PLCB2: variants seen among roughly 807,000 people sequenced by gnomAD.
The protein encoded by PLCB2 is phospholipase C beta 2, also known as 1-phosphatidylinositol 4,5-bisphosphate phosphodiesterase beta-2.
A neutral mutation model predicts 141.7 loss-of-function variants in PLCB2; 115 were observed. The ratio of observed to expected loss-of-function variants is 0.81; its 90% CI spans 0.70 to 0.95. The LOEUF (loss-of-function observed/expected upper bound fraction) is 0.95. PLCB2 is among the 40% of genes least tolerant of loss of function. PLCB2 has a pLI of 0.00. For missense variants in PLCB2, 1,403 were observed against 1,541.1 expected (o/e 0.91, Z 1.50); for synonymous variants, 603 against 595.6 (o/e 1.01, Z -0.18).
chr15:40,298,500 T>C, intron 10 of PLCB2, 62 bp downstream of exon 10: 1 of 1,608,202 alleles, frequency 6.2e-7, no homozygotes. Flanking sequence ...GGGCAACCCC[T>C]GTGGAGGATG....
chr15:40,304,619 C>A (rs184471094), intron 1 of PLCB2, among the ~76,000 whole-genome samples: 2 of 152,126 alleles, frequency 1.3e-5, no homozygotes, highest in Non-Finnish European at 2.9e-5. Context: ...TCTGAAAACC[C>A]TTCCTGAAAT....
intron 2 of PLCB2, among the ~76,000 whole-genome samples, 158 bp from the exon 3 acceptor site, chr15:40,303,514 C>T (rs1175172622): frequency 6.6e-6 from 1 of 152,112 alleles, no homozygotes; most frequent in Non-Finnish European, 1.5e-5. Context: ...CCAGCTGGAC[C>T]CAAACTTCCC....
At chr15:40,300,368 G>A (rs148767912) in intron 7 of PLCB2, among the ~76,000 whole-genome samples, 75 of 152,264 alleles carry the variant, frequency 4.9e-4, no homozygotes, top group Non-Finnish European at 9.0e-4. Context: ...AAACAGTTTG[G>A]CGGTTTCTCA....
rs1440592046 is a variant in PLCB2 at position 40,299,183 on chromosome 15, T to A, written c.628A>T (p.Ser210Cys). The A allele has an allele frequency of 6.2e-7, 1 of 1,613,992 alleles. No homozygotes were observed. The change falls in exon 8 of 32, where the codon AGT becomes TGT. Residue 210 changes from serine (S) to cysteine (C), a missense_variant. Coordinates refer to ENST00000260402, the MANE Select transcript of PLCB2 (RefSeq NM_004573.3). Reference sequence around the variant, plus strand: ...CGAGGACAGAGGCTCATGAGGAAACTCTTGTAGACAGGTTCTGGGAAGTCC... The same window carrying A: ...CGAGGACAGAGGCTCATGAGGAAACACTTGTAGACAGGTTCTGGGAAGTCC... ...PEDFPEPVYK[S>C]FLMSLCPRPE...
intron 24 of PLCB2, 25 bp from the exon 25 acceptor site, chr15:40,291,675 T>G (rs9972418): frequency 0.99 from 1,603,330 of 1,611,906 alleles, 797,783 homozygotes; most frequent in East Asian, 1. Flanking sequence ...GGCTGGGCTG[T>G]CAGGTGCTCT....
Position 40,289,266 on chromosome 15 carries a change from T to C in PLCB2, c.3354+6A>G. ...CTGCTGGGGGTCCCAGTAGTGAACC[T>C]GTTACCTGCTTTTCCATCTCCCGTA... On this transcript the variant is annotated splice_donor_region_variant and intron_variant, in intron 31 of 31. Transcript: ENST00000260402. 6.2e-7 allele frequency: 1 copy of C among 1,611,592 alleles called. No individual in the cohort carries two copies.
rs1368017561 is a variant in PLCB2, at chr15:40,288,546, C to T, written c.*169G>A. The T allele has an allele frequency of 3.7e-6, 5 of 1,342,688 alleles. No homozygotes were observed. The highest frequency in any genetic ancestry group is 2.9e-5 in the African/African-American group (2 of 68,330). The allele number at this position is 1,342,688 out of a possible 1,614,324, so 83.2% of individuals were successfully genotyped here. A position where few individuals can be genotyped will look rare whatever the true frequency, so the allele number is the denominator to read the frequency against. On this transcript the variant is annotated 3_prime_UTR_variant, in exon 32 of 32. Coordinates refer to ENST00000260402, the MANE Select transcript of PLCB2 (RefSeq NM_004573.3). ...GGCCCTGCCGTGAGGGTGCCTGGGT[C>T]CTGTCTCAGACTCTGGCCTGGCCGT... is the stretch of plus-strand genomic sequence containing the variant.
In PLCB2 at chr15:40,297,040, C is replaced by T; in HGVS notation, c.1324-132G>A. 2.4e-6 allele frequency: 2 copies of T among 829,176 alleles called. No homozygotes were observed. The highest frequency in any genetic ancestry group is 4.0e-6 in the Non-Finnish European group (2 of 503,678). The allele number at this position is 829,176 out of a possible 1,614,324, so 51.4% of individuals were successfully genotyped here. A position where few individuals can be genotyped will look rare whatever the true frequency, so the allele number is the denominator to read the frequency against. ...GCCTCTCACTACTGCTTATCATCCC[C>T]ATTCTCACTGAGATAAATCCAGCTT... On this transcript the variant is annotated intron_variant, in intron 13 of 31. Coordinates refer to ENST00000260402, the MANE Select transcript of PLCB2 (RefSeq NM_004573.3). The surrounding 1 kb of genome is among the most constrained non-coding windows in gnomAD (Gnocchi z 4.2).
downstream of PLCB2, chr15:40,286,102 A>G (rs1378154493): frequency 2.2e-5 from 21 of 934,640 alleles, no homozygotes; most frequent in South Asian, 6.4e-4. Context: ...AGCAAAGCTG[A>G]AAAAAAGCTG....
At chr15:40,299,540 G>C (rs2040406952) in intron 7 of PLCB2, among the ~76,000 whole-genome samples, 1 of 152,110 alleles carries the variant, frequency 6.6e-6, no homozygotes, top group Non-Finnish European at 1.5e-5. Flanking sequence ...CAGGCTAGTA[G>C]GCTATCTTTT....
Position 40,288,888 on chromosome 15 carries a change from C to T in PLCB2, c.3385G>A (p.Ala1129Thr), listed in dbSNP as rs796933896. The T allele has an allele frequency of 6.2e-7, 1 of 1,613,792 alleles. No homozygotes were observed. The highest frequency in any genetic ancestry group is 1.1e-5 in the South Asian group (1 of 91,082). Residue 1129 changes from alanine (A) to threonine (T), a missense_variant, in exon 32 of 32, where the codon GCC (alanine) becomes ACC (threonine). By Grantham distance (58) the Ala-to-Thr change is moderately conservative. Around this residue, in one of 4 missense-constraint regions of PLCB2, gnomAD observed 132 missense variants for 132.4 expected, o/e 1.00. Coordinates refer to ENST00000260402, the MANE Select transcript of PLCB2 (RefSeq NM_004573.3). ...FQKEALAEYE[A>T]RMKGLEAEVK... is the part of the protein sequence containing the mutation. ...TCTGCCTCCAGACCCTTCATCCTGG[C>T]CTCGTACTCTGCCAGCGCCTCCTTC...
At chr15:40,299,041 C>T (rs1489700752) in intron 8 of PLCB2, 77 bp from the exon 9 acceptor site, 1 of 1,575,510 alleles carries the variant, frequency 6.3e-7, no homozygotes. Flanking sequence ...TCCAGTGAAG[C>T]CTCCTGACTC....
intron 2 of PLCB2, among the ~76,000 whole-genome samples, chr15:40,303,658 T>G (rs2040640684): frequency 6.6e-6 from 1 of 151,962 alleles, no homozygotes; most frequent in African/African-American, 2.4e-5. Context: ...CCCCTTCCCG[T>G]CCTCCTGCCC....
chr15:40,285,749 AC>A (rs2039601234), downstream of PLCB2: 7 of 985,236 alleles, frequency 7.1e-6, no homozygotes, highest in Non-Finnish European at 8.4e-6. Flanking sequence ...AGGAGGGTGT[AC>A]CCCTGGAACC....
At chr15:40,287,243 G>A (rs2039626103), downstream of PLCB2, among the ~76,000 whole-genome samples, 1 of 152,210 alleles carries the variant, frequency 6.6e-6, no homozygotes, top group Admixed American at 6.5e-5. Context: ...CCTACAGCCA[G>A]GGCCTGGTAG....
Position 40,288,247 on chromosome 15 carries a change from G to A in PLCB2, c.*468C>T, listed in dbSNP as rs141629967. ...AGGTAGTGCCAGGATCTGCCTCAAGGAGTGGACAAGGCCAACTCAGGGCAG... is the reference window on the plus strand; with the variant it reads ...AGGTAGTGCCAGGATCTGCCTCAAGAAGTGGACAAGGCCAACTCAGGGCAG... On this transcript the variant is annotated 3_prime_UTR_variant, in exon 32 of 32. Coordinates refer to ENST00000260402, the MANE Select transcript of PLCB2 (RefSeq NM_004573.3). The A allele has an allele frequency of 5.9e-3, 5,797 of 987,160 alleles. 16 individuals carry two copies. The highest frequency in any genetic ancestry group is 6.5e-3 in the Admixed American group (106 of 16,364). 61.2% of individuals were successfully genotyped at this position (987,160 alleles called of 1,614,324 possible).
downstream of PLCB2, chr15:40,285,407 T>C (rs1595616683): frequency 3.8e-5 from 19 of 504,792 alleles, no homozygotes; most frequent in South Asian, 1.5e-3. Context: ...GACTGATAAA[T>C]ACCAGCCCTG....
intron 4 of PLCB2, 40 bp from the exon 5 acceptor site, chr15:40,302,389 C>A (rs756983618): frequency 7.4e-6 from 12 of 1,611,348 alleles, no homozygotes; most frequent in African/African-American, 5.3e-5. Flanking sequence ...CTCCTGAGCA[C>A]CCCCGCCCAG....
rs867282438 is a variant in PLCB2, at chr15:40,307,630, C to A, written c.43G>T (p.Ala15Ser). 6.3e-7 allele frequency: 1 copy of A among 1,587,226 alleles called. No homozygotes were observed. Among genetic ancestry groups the A allele is most frequent in the Non-Finnish European group, 8.6e-7 (1 of 1,165,086 alleles). ...AAGCGCTCCCCTTGGCTCAGATAGGCCTTCACCTTGGGGGGCAGCAGGACA... is the reference window on the plus strand; with the variant it reads ...AAGCGCTCCCCTTGGCTCAGATAGGACTTCACCTTGGGGGGCAGCAGGACA... ...NPVLLPPKVK[A>S]YLSQGERFIK... Residue 15 changes from alanine to serine, a missense_variant, in exon 1 of 32, where the codon GCC becomes TCC. Transcript: ENST00000260402.
Sources: gnomAD v4.1 joint callset for allele counts (sites outside exome capture counted in the v4.1 genomes callset) on GRCh38, gnomAD v4.1.1 for gene constraint, gnomAD v4.1.1 regional missense constraint, Gnocchi (gnomAD v3.1) non-coding constraint, MANE v1.5 for transcripts, NCBI Gene and HGNC (gene_info 2026-07-23, HGNC 2026-07-21) for gene names.